ACSS3: variants seen among roughly 807,000 people sequenced by gnomAD.
ACSS3 encodes the protein acyl-CoA synthetase short chain family member 3.
Under a neutral mutation model 84.2 loss-of-function variants are expected in ACSS3, and 64 were observed. That is an observed-to-expected ratio of 0.76 (90% CI 0.62 to 0.94). ACSS3 has a LOEUF of 0.94. Ranked by LOEUF, ACSS3 falls within the 40% of genes least tolerant of loss-of-function variation. ACSS3 has a pLI of 0.00. For missense variants in ACSS3, 815 were observed against 867.6 expected (o/e 0.94, Z 0.76); for synonymous variants, 317 against 310.1 (o/e 1.02, Z -0.23).
chr12:81,203,563 A>T (rs1359468169), intron 9 of ACSS3, among the ~76,000 whole-genome samples: 1 of 152,168 alleles, frequency 6.6e-6, no homozygotes, highest in Non-Finnish European at 1.5e-5. Flanking sequence ...ATATCTAATA[A>T]TCTAAACTGA....
chr12:81,247,512 G>T (rs958415502), intron 13 of ACSS3, among the ~76,000 whole-genome samples: 5 of 152,086 alleles, frequency 3.3e-5, no homozygotes, highest in Non-Finnish European at 5.9e-5. Flanking sequence ...CAGAAACTTT[G>T]TCACTGGGTC....
chr12:81,236,876 AGT>A (rs994751751), intron 13 of ACSS3, among the ~76,000 whole-genome samples: 1 of 151,246 alleles, frequency 6.6e-6, no homozygotes, highest in Non-Finnish European at 1.5e-5. Flanking sequence ...TTTTTATAAG[AGT>A]GTCATTTCCA....
At chr12:81,102,851 A>T (rs1472216261) in intron 1 of ACSS3, among the ~76,000 whole-genome samples, 2 of 151,968 alleles carry the variant, frequency 1.3e-5, no homozygotes, top group Non-Finnish European at 2.9e-5. Flanking sequence ...GAGAAGATTG[A>T]GAGTCATCTG....
chr12:81,148,897 T>TAAA (rs397851051), intron 5 of ACSS3, among the ~76,000 whole-genome samples: 2,169 of 81,738 alleles, frequency 0.027, 77 homozygotes, highest in African/African-American at 0.03. Flanking sequence ...CTGCCTCTAC[T>TAAA]AAAAAAAAAA....
intron 3 of ACSS3, among the ~76,000 whole-genome samples, chr12:81,136,376 A>G (rs1396653454): frequency 6.6e-6 from 1 of 152,138 alleles, no homozygotes; most frequent in Non-Finnish European, 1.5e-5. Context: ...TCCTTAGACA[A>G]CATGTACATG....
At chr12:81,250,939 GTC>G (rs910121340) in intron 13 of ACSS3, among the ~76,000 whole-genome samples, 1 of 152,230 alleles carries the variant, frequency 6.6e-6, no homozygotes, top group African/African-American at 2.4e-5. Context: ...AGTAAAAGTT[GTC>G]TCTCTGATCT....
chr12:81,173,739 G>GT (rs2030256163), intron 7 of ACSS3, among the ~76,000 whole-genome samples: 1 of 152,040 alleles, frequency 6.6e-6, no homozygotes, highest in African/African-American at 2.4e-5. Flanking sequence ...TTAGTTCAGT[G>GT]TTTCCTACAT....
At chr12:81,202,915 A>G (rs903625910) in intron 9 of ACSS3, among the ~76,000 whole-genome samples, 1 of 152,204 alleles carries the variant, frequency 6.6e-6, no homozygotes, top group Non-Finnish European at 1.5e-5. Flanking sequence ...CAGAATTTGT[A>G]GATATAGATA....
chr12:81,107,552 A>ATATATATATATATATG (rs1883167410), intron 1 of ACSS3, among the ~76,000 whole-genome samples: 1 of 103,374 alleles, frequency 9.7e-6, no homozygotes, highest in Non-Finnish European at 2.0e-5. Context: ...ATATATATAT[A>ATATATATATATATATG]TATATATAAA....
chr12:81,174,117 C>T (rs559387394), intron 7 of ACSS3, among the ~76,000 whole-genome samples: 2 of 152,246 alleles, frequency 1.3e-5, no homozygotes, highest in Non-Finnish European at 2.9e-5. Flanking sequence ...ATTTCAGTAA[C>T]TTGCCTATTT....
chr12:81,146,181 A>T (rs1476341416), intron 5 of ACSS3, among the ~76,000 whole-genome samples: 16 of 152,168 alleles, frequency 1.1e-4, no homozygotes, highest in Admixed American at 1.0e-3. Flanking sequence ...CCACTGTAGC[A>T]CTAACATTAA....
intron 9 of ACSS3, among the ~76,000 whole-genome samples, chr12:81,200,447 C>CA (rs1158595261): frequency 6.6e-6 from 1 of 152,078 alleles, no homozygotes; most frequent in Non-Finnish European, 1.5e-5. Context: ...GATTACTTTG[C>CA]AAAAAATTAG....
chr12:81,112,310 T>A (rs562974928), intron 2 of ACSS3, among the ~76,000 whole-genome samples: 208 of 152,330 alleles, frequency 1.4e-3, no homozygotes, highest in African/African-American at 4.7e-3. Flanking sequence ...ACATATTTAA[T>A]TTGATACATA....
chr12:81,084,803 G>A (rs1881210372), intron 1 of ACSS3, among the ~76,000 whole-genome samples: 1 of 152,108 alleles, frequency 6.6e-6, no homozygotes, highest in African/African-American at 2.4e-5. Context: ...ATGCTTTGAG[G>A]CTATTGAAAA....
rs139584882 is a variant in ACSS3 at position 81,109,631 on chromosome 12, A to T, written c.383A>T (p.Lys128Met). 1.9e-6 allele frequency: 3 copies of T among 1,612,884 alleles called. No homozygotes were observed. The highest frequency in any genetic ancestry group is 2.5e-6 in the Non-Finnish European group (3 of 1,179,422). Residue 128 changes from lysine to methionine, a missense_variant, in exon 2 of 16, where the codon AAG (lysine) becomes ATG (methionine). Coordinates refer to ENST00000548058, the MANE Select transcript of ACSS3 (RefSeq NM_024560.4). ...CATATTGAAAATGGTAAAGGGGATA[A>T]GATTGCTATCATCTATGACAGTCCT... ...DRHIENGKGD[K>M]IAIIYDSPVT...
At chr12:81,222,773 C>T (rs2033152909) in intron 11 of ACSS3, among the ~76,000 whole-genome samples, 1 of 151,892 alleles carries the variant, frequency 6.6e-6, no homozygotes, top group African/African-American at 2.4e-5. Flanking sequence ...TTTAGCACTT[C>T]CTAAACTACT....
In ACSS3 at chr12:81,123,751, T is replaced by C. The variant is rs149483960; in HGVS notation, c.457-11065T>C. Reference sequence around the variant, plus strand: ...TTTTCTGTCTCTGTGTTAATTTGCTTTGGATGACATCCAGCTGCATTCGTG... The same window carrying C: ...TTTTCTGTCTCTGTGTTAATTTGCTCTGGATGACATCCAGCTGCATTCGTG... On this transcript the variant is annotated intron_variant, in intron 2 of 15. Coordinates refer to ENST00000548058, the MANE Select transcript of ACSS3 (RefSeq NM_024560.4). Among the ~76,000 whole-genome samples, 681 of 152,294 alleles carry C rather than the reference T, an allele frequency of 4.5e-3. 4 individuals carry two copies. The highest frequency in any genetic ancestry group is 0.016 in the African/African-American group (645 of 41,554).
At chr12:81,135,122 G>A (rs1461668518) in intron 3 of ACSS3, 118 bp downstream of exon 3, 4 of 844,678 alleles carry the variant, frequency 4.7e-6, no homozygotes, top group Admixed American at 4.0e-5. Flanking sequence ...CAAATAGGAT[G>A]GTTGATAAAT....
At chr12:81,106,858 A>G (rs1476686830) in intron 1 of ACSS3, among the ~76,000 whole-genome samples, 1 of 152,142 alleles carries the variant, frequency 6.6e-6, no homozygotes, top group Non-Finnish European at 1.5e-5. Context: ...AAGATGTGAC[A>G]TTACATATAA....
Sources: gnomAD v4.1 joint callset for allele counts (sites outside exome capture counted in the v4.1 genomes callset) on GRCh38, gnomAD v4.1.1 for gene constraint, MANE v1.5 for transcripts, NCBI Gene and HGNC (gene_info 2026-07-23, HGNC 2026-07-21) for gene names.